COL21A1: variants seen among roughly 807,000 people sequenced by gnomAD.
COL21A1 encodes the protein collagen type XXI alpha 1 chain.
In COL21A1, 149 loss-of-function variants were observed where a neutral mutation model predicts 137.9. The observed-to-expected ratio is 1.08, with a 90% CI of 0.95 to 1.24. The LOEUF is 1.24. Among genes scored for constraint, COL21A1 ranks in the 50% most tolerant of loss-of-function variants. The pLI, the probability that COL21A1 is intolerant of heterozygous loss-of-function variation, is 0.00. For missense variants in COL21A1, 1,167 were observed against 1,158.4 expected (o/e 1.01, Z -0.11); for synonymous variants, 456 against 391.5 (o/e 1.16, Z -1.95).
chr6:56,131,830 C>T (rs967635800), intron 12 of COL21A1, among the ~76,000 whole-genome samples: 1 of 151,986 alleles, frequency 6.6e-6, no homozygotes, highest in African/African-American at 2.4e-5. Context: ...ACCACAGGAA[C>T]CACCAACCTG....
chr6:56,260,639 G>C, intron 1 of COL21A1, among the ~76,000 whole-genome samples: 1 of 49,380 alleles, frequency 2.0e-5, no homozygotes, highest in Non-Finnish European at 5.4e-5. Flanking sequence ...AAGGAAGGAA[G>C]GAAGGAAGGA....
intron 1 of COL21A1, among the ~76,000 whole-genome samples, chr6:56,288,947 A>C (rs560213162): frequency 6.6e-6 from 1 of 152,366 alleles, no homozygotes; most frequent in South Asian, 2.1e-4. Context: ...TAGTATTCTT[A>C]AAGGGTTATC....
chr6:56,373,538 G>A (rs574056904), intron 1 of COL21A1, among the ~76,000 whole-genome samples: 85 of 152,280 alleles, frequency 5.6e-4, no homozygotes, highest in Non-Finnish European at 7.2e-4. Flanking sequence ...GGAGGCAGAG[G>A]TTTCAGTGAG....
At chr6:56,363,274 G>A (rs1049258783) in intron 1 of COL21A1, among the ~76,000 whole-genome samples, 10 of 152,310 alleles carry the variant, frequency 6.6e-5, no homozygotes, top group Non-Finnish European at 1.0e-4. Context: ...TCATATACAC[G>A]TAATAAGTAT....
chr6:56,327,501 G>C (rs1199343566), intron 1 of COL21A1, among the ~76,000 whole-genome samples: 2 of 152,048 alleles, frequency 1.3e-5, no homozygotes, highest in African/African-American at 4.8e-5. Flanking sequence ...AAACAAACAG[G>C]TGGCCATTTT....
At chr6:56,256,771 A>G (rs891657254) in intron 1 of COL21A1, among the ~76,000 whole-genome samples, 22 of 152,220 alleles carry the variant, frequency 1.4e-4, no homozygotes, top group African/African-American at 5.3e-4. Flanking sequence ...TACTCTTCGC[A>G]GTCCCACATG....
upstream of COL21A1, among the ~76,000 whole-genome samples, chr6:56,250,093 G>A (rs74493295): frequency 2.2e-3 from 328 of 152,224 alleles, 5 homozygotes; most frequent in East Asian, 0.044. Context: ...CTGCACAATC[G>A]TTGCTTGATT....
intron 1 of COL21A1, among the ~76,000 whole-genome samples, chr6:56,386,658 CT>C (rs1316645330): frequency 2.0e-5 from 3 of 151,830 alleles, no homozygotes; most frequent in Admixed American, 6.6e-5. Flanking sequence ...CTCGTTATGG[CT>C]TTGATTTGCA....
At chr6:56,210,655 T>C (rs377515524) in intron 1 of COL21A1, among the ~76,000 whole-genome samples, 1 of 152,288 alleles carries the variant, frequency 6.6e-6, no homozygotes. Context: ...AAACAAGATA[T>C]AATAGGAGGA....
intron 1 of COL21A1, among the ~76,000 whole-genome samples, chr6:56,188,933 G>C (rs1360747744): frequency 6.6e-6 from 1 of 152,092 alleles, no homozygotes; most frequent in Non-Finnish European, 1.5e-5. Context: ...GAAAAGAATA[G>C]TACGTCCACT....
At chr6:56,335,308 C>T (rs1276161048) in intron 1 of COL21A1, among the ~76,000 whole-genome samples, 2 of 152,152 alleles carry the variant, frequency 1.3e-5, no homozygotes, top group Non-Finnish European at 2.9e-5. Flanking sequence ...CTGCAGCAAG[C>T]TTCCCAGGAA....
At chr6:56,137,044 T>C (rs1774057984) in intron 12 of COL21A1, among the ~76,000 whole-genome samples, 1 of 152,062 alleles carries the variant, frequency 6.6e-6, no homozygotes, top group Non-Finnish European at 1.5e-5. Context: ...AGCAGAAAAA[T>C]GCAGGAAAAA....
chr6:56,301,377 A>G (rs1285422013), intron 1 of COL21A1, among the ~76,000 whole-genome samples: 2 of 152,190 alleles, frequency 1.3e-5, no homozygotes, highest in Non-Finnish European at 2.9e-5. Flanking sequence ...GAAGCTGAAA[A>G]GGCAAGGAAA....
chr6:56,102,211 A>G (rs1463901496), intron 16 of COL21A1, among the ~76,000 whole-genome samples: 2 of 152,198 alleles, frequency 1.3e-5, no homozygotes, highest in African/African-American at 4.8e-5. Context: ...TACTAAAACA[A>G]TAAATATTAG....
At chr6:56,320,569 T>C (rs1194269562) in intron 1 of COL21A1, among the ~76,000 whole-genome samples, 3 of 151,696 alleles carry the variant, frequency 2.0e-5, no homozygotes, top group Admixed American at 1.3e-4. Flanking sequence ...CTCCTTTTCT[T>C]CTCTCTCCTA....
chr6:56,244,681 A>T (rs574020816), intron 1 of COL21A1, among the ~76,000 whole-genome samples: 1 of 152,188 alleles, frequency 6.6e-6, no homozygotes, highest in Non-Finnish European at 1.5e-5. Flanking sequence ...TATAGAAGTC[A>T]TATATGATTG....
At chr6:56,063,675 G>A (rs1443920468) in intron 24 of COL21A1, among the ~76,000 whole-genome samples, 1 of 151,806 alleles carries the variant, frequency 6.6e-6, no homozygotes, top group Non-Finnish European at 1.5e-5. Context: ...GATAACCTTG[G>A]GGCCCTATGC....
chr6:56,215,361 C>T (rs1216396084), intron 1 of COL21A1, among the ~76,000 whole-genome samples: 1 of 152,044 alleles, frequency 6.6e-6, no homozygotes, highest in Non-Finnish European at 1.5e-5. Context: ...TCTCTTTGGA[C>T]ACCCTTCTGA....
intron 1 of COL21A1, among the ~76,000 whole-genome samples, chr6:56,335,614 G>A (rs891722803): frequency 4.6e-5 from 7 of 152,054 alleles, no homozygotes; most frequent in African/African-American, 1.7e-4. Flanking sequence ...TCTCTAACTG[G>A]GGCATACCTA....
Sources: gnomAD v4.1 joint callset for allele counts (sites outside exome capture counted in the v4.1 genomes callset) on GRCh38, gnomAD v4.1.1 for gene constraint, MANE v1.5 for transcripts, NCBI Gene and HGNC (gene_info 2026-07-23, HGNC 2026-07-21) for gene names.